Variants in TLE4 observed in about 807,000 individuals in gnomAD.
TLE4 encodes the protein TLE family member 4, transcriptional corepressor.
TLE4 carries 8 observed loss-of-function variants against 92.8 expected under a neutral mutation model. The ratio of observed to expected loss-of-function variants is 0.09; its 90% confidence interval spans 0.05 to 0.16. The LOEUF (loss-of-function observed/expected upper bound fraction) is 0.16. Among genes scored for constraint, TLE4 ranks in the 10% least tolerant of loss-of-function variants. The pLI is 1.00. For missense variants in TLE4, 675 were observed against 997.6 expected (o/e 0.68, Z 4.36); for synonymous variants, 371 against 374.1 (o/e 0.99, Z 0.10).
intron 7 of TLE4, chr9:79,653,044 C>T (rs1351362731): frequency 5.6e-6 from 3 of 532,160 alleles, no homozygotes; most frequent in Non-Finnish European, 1.1e-5. Context: ...TTCTTGCTAC[C>T]TTCTATGTTC....
At chr9:79,624,921 G>A (rs1323474568) in intron 5 of TLE4, among the ~76,000 whole-genome samples, 1 of 151,664 alleles carries the variant, frequency 6.6e-6, no homozygotes, top group African/African-American at 2.4e-5. Flanking sequence ...GAATGCGTGA[G>A]TAGAATGAAT....
At chr9:79,579,199 G>C (rs2038913351) in intron 4 of TLE4, among the ~76,000 whole-genome samples, 1 of 152,166 alleles carries the variant, frequency 6.6e-6, no homozygotes, top group Admixed American at 6.5e-5. Flanking sequence ...TAGTTGTTAA[G>C]TTTTTTTGCT....
intron 4 of TLE4, among the ~76,000 whole-genome samples, chr9:79,597,233 A>T (rs769912679): frequency 1.3e-5 from 2 of 152,106 alleles, no homozygotes; most frequent in Non-Finnish European, 2.9e-5. Flanking sequence ...ACTAGAGGCT[A>T]TGGTGGTCTC....
At chr9:79,651,039 C>G (rs2058881311) in intron 6 of TLE4, among the ~76,000 whole-genome samples, 1 of 36,382 alleles carries the variant, frequency 2.7e-5, no homozygotes, top group Non-Finnish European at 1.1e-4. Flanking sequence ...CGATCTCTCT[C>G]TCTCTCTCTC....
chr9:79,572,937 AG>A, intron 1 of TLE4, 102 bp downstream of exon 1: 1 of 1,277,982 alleles, frequency 7.8e-7, no homozygotes, highest in Non-Finnish European at 1.1e-6. Context: ...GGGCGTGGAG[AG>A]CCGCCCGAAA....
At chr9:79,668,506 A>G (rs1366052084) in intron 8 of TLE4, among the ~76,000 whole-genome samples, 1 of 152,194 alleles carries the variant, frequency 6.6e-6, no homozygotes, top group African/African-American at 2.4e-5. Flanking sequence ...TGGCTCACAG[A>G]GGTGAGAGAA....
chr9:79,660,107 A>C (rs1173500307), intron 8 of TLE4, among the ~76,000 whole-genome samples: 1 of 152,216 alleles, frequency 6.6e-6, no homozygotes, highest in Non-Finnish European at 1.5e-5. Flanking sequence ...TTGACACCAC[A>C]AGGAAGCACA....
At chr9:79,646,719 G>A (rs2058158378) in intron 6 of TLE4, among the ~76,000 whole-genome samples, 1 of 152,090 alleles carries the variant, frequency 6.6e-6, no homozygotes, top group African/African-American at 2.4e-5. Flanking sequence ...ATTTATTAAT[G>A]TATACATTTT....
chr9:79,675,235 A>G (rs952197316), intron 8 of TLE4, among the ~76,000 whole-genome samples: 4 of 152,164 alleles, frequency 2.6e-5, no homozygotes, highest in African/African-American at 9.7e-5. Context: ...AGTAGGGACC[A>G]CTTGCTTATC....
At position 79,572,620 on chromosome 9, in the gene TLE4, C is replaced by T; in HGVS notation, c.-171C>T. ...CCGGCAGCCGGCACCCAGCCGCCGC[C>T]GCGCGTTCCTGCCGCCCGTGTCACG... On this transcript the variant is annotated 5_prime_UTR_variant, in exon 1 of 20. Transcript: ENST00000376552. 1 of 326,696 alleles carries T rather than the reference C, an allele frequency of 3.1e-6. No individual in the cohort carries two copies. The highest frequency in any genetic ancestry group is 5.5e-6 in the Non-Finnish European group (1 of 183,018). The allele number at this position is 326,696 out of a possible 1,614,324, so 20.2% of individuals were successfully genotyped here.
chr9:79,627,528 G>C, intron 6 of TLE4, 80 bp downstream of exon 6: 1 of 1,407,754 alleles, frequency 7.1e-7, no homozygotes, highest in Non-Finnish European at 1.0e-6. Context: ...ATTTTGTTCC[G>C]CCAAAGGGGC....
rs890890742 is a variant in TLE4, at chr9:79,726,020, G to T, written c.*876G>T. 7 of 152,562 alleles carry T rather than the reference G, an allele frequency of 4.6e-5. No individual in the cohort carries two copies. 9.5% of individuals were successfully genotyped at this position (152,562 alleles called of 1,614,324 possible). On this transcript the variant is annotated 3_prime_UTR_variant, in exon 20 of 20. Coordinates refer to ENST00000376552, the MANE Select transcript of TLE4 (RefSeq NM_007005.6). ...TATCTTTAGTCAGTTTTGTTGTTAT[G>T]AGAAATTATGGGTTATTTTGTGGCA...
chr9:79,692,217 AT>A (rs2067227552), intron 8 of TLE4, among the ~76,000 whole-genome samples: 1 of 152,222 alleles, frequency 6.6e-6, no homozygotes, highest in African/African-American at 2.4e-5. Context: ...CACATTTGAC[AT>A]GAATTCTGCA....
At chr9:79,626,725 GA>G (rs1190605135) in intron 5 of TLE4, among the ~76,000 whole-genome samples, 2 of 151,890 alleles carry the variant, frequency 1.3e-5, no homozygotes, top group East Asian at 1.9e-4. Flanking sequence ...GTTTTTCTAA[GA>G]AAAAAAATTA....
chr9:79,595,302 G>A (rs1374820472), intron 4 of TLE4, among the ~76,000 whole-genome samples: 1 of 152,194 alleles, frequency 6.6e-6, no homozygotes, highest in Admixed American at 6.5e-5. Flanking sequence ...CTCAGAGAGT[G>A]GTCCATGGAC....
At chr9:79,677,387 G>C (rs1253926014) in intron 8 of TLE4, among the ~76,000 whole-genome samples, 1 of 152,122 alleles carries the variant, frequency 6.6e-6, no homozygotes, top group Non-Finnish European at 1.5e-5. Context: ...GACTGCTAGA[G>C]CATCCTGAGC....
At chr9:79,723,475 A>G (rs1588668788) in intron 19 of TLE4, among the ~76,000 whole-genome samples, 1 of 152,184 alleles carries the variant, frequency 6.6e-6, no homozygotes, top group Non-Finnish European at 1.5e-5. Flanking sequence ...AGTTTTATAA[A>G]CTTTTATTTT....
intron 4 of TLE4, among the ~76,000 whole-genome samples, chr9:79,595,785 TA>T (rs2043804661): frequency 1.3e-5 from 2 of 152,096 alleles, no homozygotes; most frequent in African/African-American, 4.8e-5. Flanking sequence ...AAAACTTGTT[TA>T]AATTCTTCTG....
At chr9:79,623,705 T>TG (rs2051692841) in intron 5 of TLE4, among the ~76,000 whole-genome samples, 1 of 151,706 alleles carries the variant, frequency 6.6e-6, no homozygotes, top group African/African-American at 2.4e-5. Context: ...AAGGGTTTTT[T>TG]TTTTTTTTTT....
Sources: gnomAD v4.1 joint callset for allele counts (sites outside exome capture counted in the v4.1 genomes callset) on GRCh38, gnomAD v4.1.1 for gene constraint, MANE v1.5 for transcripts, NCBI Gene and HGNC (gene_info 2026-07-23, HGNC 2026-07-21) for gene names.